The following FAM76A variants were observed in gnomAD, a reference collection of about 807,000 sequenced individuals.
FAM76A encodes the protein family with sequence similarity 76 member A.
A neutral mutation model predicts 46.2 loss-of-function variants in FAM76A; 32 were observed. The observed-to-expected ratio is 0.69, with a 90% CI of 0.52 to 0.93. The LOEUF is 0.93. FAM76A is among the 40% of genes least tolerant of loss of function. FAM76A has a pLI of 0.00. For synonymous variants in FAM76A, 137 were observed against 127.0 expected (o/e 1.08, Z -0.53); for missense variants, 274 against 361.5 (o/e 0.76, Z 1.96).
At chr1:27,750,158 A>G (rs537656357) in intron 6 of FAM76A, among the ~76,000 whole-genome samples, 2 of 152,294 alleles carry the variant, frequency 1.3e-5, no homozygotes, top group Non-Finnish European at 2.9e-5. Flanking sequence ...TCTCCTTCCC[A>G]GCCAGTAGTG....
At chr1:27,749,184 C>T (rs2088294521) in intron 6 of FAM76A, 30 bp downstream of exon 6, 4 of 1,445,210 alleles carry the variant, frequency 2.8e-6, no homozygotes, top group Non-Finnish European at 3.8e-6. Flanking sequence ...TGTGCGCACA[C>T]ATTTGAAATG....
intron 5 of FAM76A, 103 bp downstream of exon 5, chr1:27,744,914 A>G (rs911262511): frequency 1.9e-5 from 22 of 1,161,002 alleles, no homozygotes; most frequent in Admixed American, 7.1e-5. Flanking sequence ...TACATTTTCT[A>G]TATTCTCTGT....
chr1:27,740,550 G>T (rs1187875829), intron 4 of FAM76A: 33 of 1,165,234 alleles, frequency 2.8e-5, no homozygotes, highest in Non-Finnish European at 4.0e-5. Flanking sequence ...GTTATGAGGA[G>T]TGAGGACCCC....
Position 27,755,181 on chromosome 1 carries a change from A to G in FAM76A, c.600-14A>G. 6.2e-7 allele frequency: 1 copy of G among 1,613,362 alleles called. No homozygotes were observed. The highest frequency in any genetic ancestry group is 8.5e-7 in the Non-Finnish European group (1 of 1,179,728). Reference sequence around the variant, plus strand: ...ATCCAAGTTAAAATATTTTCCCCTGATTTTTAAATTTAGCTTCTCCCCAGA... The same window carrying G: ...ATCCAAGTTAAAATATTTTCCCCTGGTTTTTAAATTTAGCTTCTCCCCAGA... On this transcript the variant is annotated splice_polypyrimidine_tract_variant and intron_variant, in intron 6 of 8. Coordinates refer to ENST00000373954, the MANE Select transcript of FAM76A (RefSeq NM_152660.3).
chr1:27,730,772 A>G (rs545600941), intron 2 of FAM76A, among the ~76,000 whole-genome samples: 13 of 152,254 alleles, frequency 8.5e-5, no homozygotes, highest in Admixed American at 3.3e-4. Flanking sequence ...AGTCACTTTC[A>G]CAGGAATTAT....
intron 5 of FAM76A, among the ~76,000 whole-genome samples, chr1:27,748,573 C>CT (rs397979754): frequency 2.0e-5 from 3 of 150,152 alleles, no homozygotes; most frequent in Admixed American, 6.7e-5. Flanking sequence ...GCTCCGCCCC[C>CT]GGGGTTCAAG....
chr1:27,727,793 T>C (rs1359061676), intron 2 of FAM76A, among the ~76,000 whole-genome samples: 1 of 145,720 alleles, frequency 6.9e-6, no homozygotes, highest in African/African-American at 2.5e-5. Flanking sequence ...ATCCATTGAT[T>C]GCTTAAATTT....
intron 4 of FAM76A, among the ~76,000 whole-genome samples, chr1:27,738,574 AGTTCATTGTTAC>A (rs1259179160): frequency 4.6e-5 from 7 of 152,144 alleles, no homozygotes; most frequent in African/African-American, 1.7e-4. Flanking sequence ...TTGGTTTCAA[AGTTCATTGTTAC>A]GTTTCTTAAC....
chr1:27,741,874 C>T (rs1314451005), intron 4 of FAM76A, among the ~76,000 whole-genome samples: 4 of 142,564 alleles, frequency 2.8e-5, no homozygotes, highest in African/African-American at 1.2e-4. Context: ...CAAAGTGAGA[C>T]TCTATCTCAA....
intron 8 of FAM76A, chr1:27,760,153 C>T (rs942715495): frequency 1.1e-5 from 4 of 360,746 alleles, no homozygotes; most frequent in South Asian, 2.1e-5. Context: ...TAAGTATGTT[C>T]TTTGATTTTT....
chr1:27,741,325 A>G (rs2088149449), intron 4 of FAM76A, among the ~76,000 whole-genome samples: 2 of 151,296 alleles, frequency 1.3e-5, no homozygotes, highest in Non-Finnish European at 2.9e-5. Context: ...AGCTAGGACT[A>G]CAGGCATGTG....
At chr1:27,740,881 C>A (rs989265232) in intron 4 of FAM76A, among the ~76,000 whole-genome samples, 5 of 152,004 alleles carry the variant, frequency 3.3e-5, no homozygotes, top group Non-Finnish European at 7.4e-5. Context: ...GTAATCCCAG[C>A]ACTTTGGGAG....
chr1:27,732,719 G>A, intron 3 of FAM76A, 62 bp downstream of exon 3: 1 of 1,274,166 alleles, frequency 7.8e-7, no homozygotes, highest in East Asian at 2.3e-5. Context: ...CTTACCTTCT[G>A]TGGCCTACTA....
chr1:27,726,792 C>G (rs1158361815), intron 1 of FAM76A, among the ~76,000 whole-genome samples: 1 of 152,174 alleles, frequency 6.6e-6, no homozygotes, highest in Non-Finnish European at 1.5e-5. Flanking sequence ...AGCTGCTGAT[C>G]AGTTTTTGCT....
At chr1:27,732,700 T>C (rs913744672) in intron 3 of FAM76A, 43 bp downstream of exon 3, 2 of 1,476,500 alleles carry the variant, frequency 1.4e-6, no homozygotes, top group East Asian at 4.6e-5. Flanking sequence ...TACTAGGGTC[T>C]TGTGGAACCT....
rs1034773600 is a variant in FAM76A, at chr1:27,726,215, G to C, written c.81+54G>C. On this transcript the variant is annotated intron_variant, in intron 1 of 8. Coordinates refer to ENST00000373954, the MANE Select transcript of FAM76A (RefSeq NM_152660.3). ...CTGGGGACGCAGGAGGCGCGGCCCGGAGCTCCAGATTCTGTGGGGACGCCC... is the reference window on the plus strand; with the variant it reads ...CTGGGGACGCAGGAGGCGCGGCCCGCAGCTCCAGATTCTGTGGGGACGCCC... The C allele has an allele frequency of 4.0e-6, 5 of 1,238,986 alleles. No individual in the cohort carries two copies. In the African/African-American group the frequency reaches 6.2e-5, roughly 15 times the overall value. 76.7% of individuals were successfully genotyped at this position (1,238,986 alleles called of 1,614,324 possible). A position where few individuals can be genotyped will look rare whatever the true frequency, so the allele number is the denominator to read the frequency against.
At chr1:27,754,739 C>T (rs1483719828) in intron 6 of FAM76A, among the ~76,000 whole-genome samples, 1 of 152,006 alleles carries the variant, frequency 6.6e-6, no homozygotes, top group Non-Finnish European at 1.5e-5. Flanking sequence ...TGCTTTGGGA[C>T]AGAAGACAAG....
At chr1:27,731,352 C>T (rs539397737) in intron 2 of FAM76A, among the ~76,000 whole-genome samples, 53 of 152,036 alleles carry the variant, frequency 3.5e-4, no homozygotes, top group South Asian at 6.2e-4. Flanking sequence ...TACAGGCACA[C>T]ACCACCACGC....
chr1:27,741,895 AAGAG>A (rs199707242), intron 4 of FAM76A, among the ~76,000 whole-genome samples: 15 of 146,080 alleles, frequency 1.0e-4, no homozygotes, highest in South Asian at 8.4e-4. Context: ...AAAAAAAAAA[AAGAG>A]AGAGGATGTA....
Sources: gnomAD v4.1 joint callset for allele counts (sites outside exome capture counted in the v4.1 genomes callset) on GRCh38, gnomAD v4.1.1 for gene constraint, MANE v1.5 for transcripts, NCBI Gene and HGNC (gene_info 2026-07-23, HGNC 2026-07-21) for gene names.